The following SGO2 variants were observed in gnomAD, a reference collection of about 807,000 sequenced individuals.
SGO2 encodes the protein shugoshin-like 2.
SGO2 carries 68 observed loss-of-function variants against 99.5 expected under a neutral mutation model. The observed-to-expected ratio is 0.68, with a 90% CI of 0.56 to 0.84. The LOEUF (loss-of-function observed/expected upper bound fraction) is 0.84, where lower values mean the gene tolerates loss of function less well. SGO2 is among the 40% of genes least tolerant of loss of function. SGO2 has a pLI of 0.00. For synonymous variants in SGO2, 457 were observed against 487.1 expected (o/e 0.94, Z 0.81); for missense variants, 1,350 against 1,436.7 (o/e 0.94, Z 0.97).
rs1376847074 is a variant in SGO2 at position 200,572,668 on chromosome 2, T to C, written c.2322T>C (p.Ser774=). ...FETPALSTKD[S]GNLYDSEIQN... ...CACCTGCTCTTTCTACCAAAGATAG[T>C]GGAAACCTGTATGATTCTGAGATTC... Residue 774 remains serine (S), a synonymous_variant, in exon 7 of 9, where the codon AGT becomes AGC. Coordinates refer to ENST00000357799, the MANE Select transcript of SGO2 (RefSeq NM_152524.6). 4 of 1,612,232 alleles carry C rather than the reference T, an allele frequency of 2.5e-6. No individual in the cohort carries two copies. The highest frequency in any genetic ancestry group is 1.1e-5 in the South Asian group (1 of 90,670).
At chr2:200,531,735 A>G (rs1266936973) in intron 1 of SGO2, 1 of 152,300 alleles carries the variant, frequency 6.6e-6, no homozygotes, top group African/African-American at 2.4e-5. Context: ...TCTGGAGGCC[A>G]GAAGTCTAAA....
rs755918236 is a variant in SGO2, at chr2:200,572,061, A to C, written c.1715A>C (p.Asn572Thr). ...GTCACAAATGAATTTCACACAGCCA[A>C]TCTTTCCACCAAAGATAATGGAAAT... is the stretch of plus-strand genomic sequence containing the variant. ...LDVTNEFHTA[N>T]LSTKDNGNLC... Residue 572 changes from asparagine to threonine, a missense_variant, in exon 7 of 9, where the codon AAT (asparagine) becomes ACT (threonine). Physicochemically the swap from Asn to Thr is moderately conservative, Grantham distance 65. Coordinates refer to ENST00000357799, the MANE Select transcript of SGO2 (RefSeq NM_152524.6). 1 of 1,613,528 alleles carries C rather than the reference A, an allele frequency of 6.2e-7. No homozygotes were observed. The highest frequency in any genetic ancestry group is 8.5e-7 in the Non-Finnish European group (1 of 1,179,618).
intron 8 of SGO2, chr2:200,580,399 G>T: frequency 2.4e-5 from 7 of 294,020 alleles, no homozygotes; most frequent in South Asian, 1.2e-4. Flanking sequence ...TTACTAATTG[G>T]ATCTATTTTT....
chr2:200,573,468 G>A lies in SGO2; in HGVS notation c.3122G>A (p.Cys1041Tyr). Residue 1041 changes from cysteine to tyrosine, a missense_variant, in exon 7 of 9, where the codon TGT (cysteine) becomes TAT (tyrosine). Cys to Tyr is a radical substitution (Grantham distance 194). Coordinates refer to ENST00000357799, the MANE Select transcript of SGO2 (RefSeq NM_152524.6). ...DSDPGNPVEL[C>Y]KTQKQSTTTL... ...GATCCAGGAAACCCAGTTGAACTATGTAAGACTCAGAAGCAAAGCACTACC... is the reference window on the plus strand; with the variant it reads ...GATCCAGGAAACCCAGTTGAACTATATAAGACTCAGAAGCAAAGCACTACC... The A allele has an allele frequency of 6.2e-7, 1 of 1,612,368 alleles. No individual in the cohort carries two copies. Among genetic ancestry groups the A allele is most frequent in the Non-Finnish European group, 8.5e-7 (1 of 1,179,194 alleles).
At chr2:200,545,733 C>G (rs1029329309) in intron 5 of SGO2, among the ~76,000 whole-genome samples, 1 of 152,166 alleles carries the variant, frequency 6.6e-6, no homozygotes, top group Admixed American at 6.5e-5. Flanking sequence ...TGTGGAAAAT[C>G]TCCCCTCAAC....
rs2033591513 is a variant in SGO2, at chr2:200,574,857, G to A, written c.3632-454G>A. 2.0e-5 allele frequency among the ~76,000 whole-genome samples: 3 copies of A among 151,858 alleles called. No homozygotes were observed. The South Asian group carries it at 6.2e-4, about 32-fold the overall frequency. ...CCTATACCAATTAAAAATTTTTACT[G>A]GGAGCCTATTATTTCAATATATGTG... is the stretch of plus-strand genomic sequence containing the variant. On this transcript the variant is annotated intron_variant, in intron 7 of 8. Transcript: ENST00000357799.
rs543692880 is a variant in SGO2 at position 200,570,550 on chromosome 2, T to C, written c.704-500T>C. On this transcript the variant is annotated intron_variant, in intron 6 of 8. Transcript: ENST00000357799. The surrounding 1 kb of genome is among the most constrained non-coding windows in gnomAD (Gnocchi z 4.4). ...TATATAATATATACACACACACATA[T>C]ATACACACATATATATGGTATACAT... 3.8e-4 allele frequency among the ~76,000 whole-genome samples: 54 copies of C among 140,838 alleles called. No individual in the cohort carries two copies. Among genetic ancestry groups the C allele is most frequent in the Non-Finnish European group, 4.8e-5 (3 of 62,574 alleles). 92.4% of individuals were successfully genotyped at this position (140,838 alleles called of 152,430 possible). A position where few individuals can be genotyped will look rare whatever the true frequency, so the allele number is the denominator to read the frequency against.
At chr2:200,546,677 AAAT>A (rs1393325051) in intron 5 of SGO2, among the ~76,000 whole-genome samples, 1 of 152,174 alleles carries the variant, frequency 6.6e-6, no homozygotes, top group Non-Finnish European at 1.5e-5. Flanking sequence ...AAAGAGATTA[AAAT>A]AATAAAAAAA....
intron 4 of SGO2, among the ~76,000 whole-genome samples, chr2:200,538,413 A>T (rs1254813263): frequency 6.6e-6 from 1 of 151,866 alleles, no homozygotes; most frequent in South Asian, 2.1e-4. Context: ...TTCCCTAGCA[A>T]CTCTGCATAA....
intron 2 of SGO2, among the ~76,000 whole-genome samples, chr2:200,533,891 A>C (rs1350151740): frequency 1.3e-5 from 2 of 151,950 alleles, no homozygotes; most frequent in Non-Finnish European, 2.9e-5. Flanking sequence ...GCTCTTGCTT[A>C]CTCCCTTTGG....
At chr2:200,543,303 C>CA (rs774803658) in intron 5 of SGO2, 5 of 152,126 alleles carry the variant, frequency 3.3e-5, no homozygotes, top group African/African-American at 4.8e-5. Flanking sequence ...GACTCTGTCT[C>CA]AAAAAAACAA....
chr2:200,575,419 G>A lies in SGO2; in HGVS notation c.3740G>A (p.Arg1247Lys), dbSNP rs1399334266. 2.5e-6 allele frequency: 4 copies of A among 1,603,118 alleles called. No homozygotes were observed. Among genetic ancestry groups the A allele is most frequent in the Non-Finnish European group, 3.4e-6 (4 of 1,172,798 alleles). The change falls in exon 8 of 9, where the codon AGA becomes AAA. Residue 1247 changes from arginine (R) to lysine (K), a missense_variant. By Grantham distance (26) the Arg-to-Lys change is conservative. Transcript: ENST00000357799. Reference sequence around the variant, plus strand: ...TCTTCAGAACGGACAAGCAGAAGAAGAAGGTGTACTCCTTTCTATTTTAAA... The same window carrying A: ...TCTTCAGAACGGACAAGCAGAAGAAAAAGGTGTACTCCTTTCTATTTTAAA... ...DLSSERTSRR[R>K]RCTPFYFKEP...
chr2:200,556,498 A>T (rs1295593366), intron 5 of SGO2, among the ~76,000 whole-genome samples: 2 of 152,190 alleles, frequency 1.3e-5, no homozygotes, highest in Non-Finnish European at 2.9e-5. Context: ...TTTTTATAAG[A>T]TCTAGAATCT....
intron 1 of SGO2, among the ~76,000 whole-genome samples, chr2:200,528,953 T>C (rs971983982): frequency 1.3e-5 from 2 of 152,170 alleles, no homozygotes; most frequent in African/African-American, 4.8e-5. Context: ...TTTTCACAGA[T>C]CAAGTAAAAA....
intron 5 of SGO2, among the ~76,000 whole-genome samples, chr2:200,549,355 C>A (rs1381410966): frequency 6.6e-6 from 1 of 152,042 alleles, no homozygotes; most frequent in Admixed American, 6.6e-5. Context: ...GATTATGAAT[C>A]CCACTAAAAC....
rs1485637726 is a variant in SGO2, at chr2:200,572,608, C to T, written c.2262C>T (p.Ile754=). The T allele has an allele frequency of 2.5e-6, 4 of 1,613,138 alleles. No individual in the cohort carries two copies. The highest frequency in any genetic ancestry group is 3.4e-6 in the Non-Finnish European group (4 of 1,179,418). Residue 754 remains isoleucine, a synonymous_variant, in exon 7 of 9, where the codon ATC becomes ATT. Coordinates refer to ENST00000357799, the MANE Select transcript of SGO2 (RefSeq NM_152524.6). ...TAACGCAAAAAGATAAGGAAATCAT[C>T]CCTGGAAACCTAGAAGACCCAAGTG... is the stretch of plus-strand genomic sequence containing the variant. ...LFLTQKDKEI[I]PGNLEDPSEF...
At position 200,535,052 on chromosome 2, in the gene SGO2, G is replaced by C; in HGVS notation, c.190G>C (p.Ala64Pro). 1 of 1,560,046 alleles carries C rather than the reference G, an allele frequency of 6.4e-7. No individual in the cohort carries two copies. The highest frequency in any genetic ancestry group is 1.2e-5 in the South Asian group (1 of 81,114). Reference sequence around the variant, plus strand: ...GCACAACAACAGGGCATTAGCTCAGGCTCTTAGTAGAGAAAAAGAGAATTC... The same window carrying C: ...GCACAACAACAGGGCATTAGCTCAGCCTCTTAGTAGAGAAAAAGAGAATTC... ...LKHNNRALAQALSREKENSRR... is the reference protein window; with the variant it reads ...LKHNNRALAQPLSREKENSRR... The change falls in exon 3 of 9, where the codon GCT (alanine) becomes CCT (proline). Residue 64 changes from alanine (A) to proline (P), a missense_variant. By Grantham distance (27) the Ala-to-Pro change is conservative (BLOSUM62 -1). Transcript: ENST00000357799.
At chr2:200,557,865 C>T (rs182524729) in intron 5 of SGO2, among the ~76,000 whole-genome samples, 9 of 130,158 alleles carry the variant, frequency 6.9e-5, no homozygotes, top group Middle Eastern at 4.1e-3. Context: ...GCATTGGCTA[C>T]TTTTTTTTTT....
chr2:200,535,603 C>G (rs2031654955), intron 3 of SGO2, among the ~76,000 whole-genome samples: 1 of 152,072 alleles, frequency 6.6e-6, no homozygotes, highest in Non-Finnish European at 1.5e-5. Flanking sequence ...CAAATTTCAA[C>G]TCTGTTCACA....
Sources: gnomAD v4.1 joint callset for allele counts (sites outside exome capture counted in the v4.1 genomes callset) on GRCh38, gnomAD v4.1.1 for gene constraint, Gnocchi (gnomAD v3.1) non-coding constraint, MANE v1.5 for transcripts, NCBI Gene and HGNC (gene_info 2026-07-23, HGNC 2026-07-21) for gene names.